Variants in MND1 observed in about 807,000 individuals in gnomAD.
The protein encoded by MND1 is meiotic nuclear divisions 1, also known as meiotic nuclear division protein 1 homolog.
A neutral mutation model predicts 35.1 loss-of-function variants in MND1; 28 were observed. The observed-to-expected ratio is 0.80, with a 90% confidence interval of 0.59 to 1.09. The LOEUF (loss-of-function observed/expected upper bound fraction) is 1.09. MND1 is among the 50% of genes least tolerant of loss of function. The probability of loss-of-function intolerance (pLI) is 0.00; values close to 1 mark genes in which losing one functional copy is unlikely to be tolerated. For synonymous variants in MND1, 69 were observed against 70.5 expected, an observed-to-expected ratio of 0.98 and a Z score of 0.11; for missense variants, 213 against 239.6, an observed-to-expected ratio of 0.89 and a Z score of 0.73.
intron 4 of MND1, among the ~76,000 whole-genome samples, chr4:153,382,647 T>G: frequency 6.6e-6 from 1 of 152,356 alleles, no homozygotes; most frequent in Non-Finnish European, 1.5e-5. Context: ...AAATAGAAAT[T>G]TAAATCTTTA....
chr4:153,373,116 G>A (rs1420558252), intron 4 of MND1, among the ~76,000 whole-genome samples: 2 of 151,262 alleles, frequency 1.3e-5, no homozygotes, highest in African/African-American at 4.9e-5. Context: ...ATATAGTTGG[G>A]ACTTGCTTTT....
At chr4:153,363,115 T>G in intron 4 of MND1, 1 of 561,716 alleles carries the variant, frequency 1.8e-6, no homozygotes, top group Non-Finnish European at 2.3e-6. Context: ...TCATGACCCT[T>G]CACACCTGTT....
chr4:153,388,379 C>T (rs1045263913), intron 4 of MND1, among the ~76,000 whole-genome samples: 2 of 152,050 alleles, frequency 1.3e-5, no homozygotes, highest in African/African-American at 4.8e-5. Context: ...CCCAGCTACT[C>T]AGGAGGCTCA....
intron 4 of MND1, chr4:153,381,690 ATATTTTTTTTTTTTTTTT>A (rs1377788898): frequency 7.7e-4 from 21 of 27,442 alleles, no homozygotes; most frequent in African/African-American, 3.0e-3. Flanking sequence ...ATATATATAT[ATATTTTTTTTTTTTTTTT>A]TTTTTTTTTT....
chr4:153,367,902 T>C (rs1355688398), intron 4 of MND1, among the ~76,000 whole-genome samples: 1 of 152,228 alleles, frequency 6.6e-6, no homozygotes. Context: ...TATCTCATTG[T>C]GGTTTTGGCT....
intron 6 of MND1, among the ~76,000 whole-genome samples, chr4:153,407,318 C>T (rs1224678589): frequency 2.0e-5 from 3 of 152,270 alleles, no homozygotes; most frequent in East Asian, 3.9e-4. Context: ...ACAAAATTAG[C>T]TGGGTGTGGT....
intron 4 of MND1, among the ~76,000 whole-genome samples, chr4:153,382,602 A>G (rs1353983828): frequency 6.6e-6 from 1 of 152,232 alleles, no homozygotes; most frequent in African/African-American, 2.4e-5. Flanking sequence ...CTCAGACTTT[A>G]TAAATTTAAT....
intron 4 of MND1, among the ~76,000 whole-genome samples, chr4:153,388,335 T>C (rs1269386218): frequency 2.0e-5 from 3 of 151,964 alleles, no homozygotes; most frequent in Admixed American, 6.6e-5. Context: ...ACAATAAAAA[T>C]TAAAAATTAG....
chr4:153,401,744 G>T (rs560130665), intron 6 of MND1, among the ~76,000 whole-genome samples: 1 of 152,304 alleles, frequency 6.6e-6, no homozygotes, highest in South Asian at 2.1e-4. Context: ...AGTCTGTCAT[G>T]ATTTATTCAG....
chr4:153,368,589 T>C (rs1773715542), intron 4 of MND1, among the ~76,000 whole-genome samples: 1 of 152,226 alleles, frequency 6.6e-6, no homozygotes, highest in Non-Finnish European at 1.5e-5. Context: ...TCCTCTTTTC[T>C]GTGATATGCA....
intron 7 of MND1, among the ~76,000 whole-genome samples, chr4:153,413,514 A>C (rs776394573): frequency 6.6e-6 from 1 of 152,022 alleles, no homozygotes; most frequent in African/African-American, 2.4e-5. Context: ...CCTCATCCCT[A>C]CAAAAAATAC....
At chr4:153,377,675 G>T (rs151029035) in intron 4 of MND1, among the ~76,000 whole-genome samples, 1 of 152,202 alleles carries the variant, frequency 6.6e-6, no homozygotes, top group Non-Finnish European at 1.5e-5. Context: ...TTAAGGAGAC[G>T]TGTAAGTTGG....
At position 153,405,993 on chromosome 4, in the gene MND1, G is replaced by A. The variant is rs188339700; in HGVS notation, c.467-2978G>A. ...TAATTTTTTACATTTTTAGTAGAGA[G>A]GGAGTTTCACCGTGTTAGCCAGGAT... On this transcript the variant is annotated intron_variant, in intron 6 of 7. Coordinates refer to ENST00000240488, the MANE Select transcript of MND1 (RefSeq NM_032117.4). Among the ~76,000 whole-genome samples, 27 of 151,826 alleles carry A rather than the reference G, an allele frequency of 1.8e-4. No individual in the cohort carries two copies. In the East Asian group the frequency reaches 5.1e-3, roughly 29 times the overall value.
At chr4:153,369,386 C>G (rs1027685415) in intron 4 of MND1, among the ~76,000 whole-genome samples, 4 of 152,134 alleles carry the variant, frequency 2.6e-5, no homozygotes, top group Non-Finnish European at 4.4e-5. Context: ...TACACATGAG[C>G]ATAAATACAG....
intron 4 of MND1, among the ~76,000 whole-genome samples, chr4:153,382,389 A>C (rs1375874264): frequency 1.3e-5 from 2 of 152,232 alleles, no homozygotes; most frequent in Admixed American, 1.3e-4. Flanking sequence ...GTTTGCCATT[A>C]GAATGTGTTC....
intron 4 of MND1, among the ~76,000 whole-genome samples, chr4:153,384,748 CTTA>C (rs942539077): frequency 6.6e-6 from 1 of 152,082 alleles, no homozygotes; most frequent in African/African-American, 2.4e-5. Flanking sequence ...TCAGCATGTA[CTTA>C]TTAAGTGGCT....
chr4:153,394,919 T>C (rs1729157969), intron 5 of MND1, among the ~76,000 whole-genome samples: 1 of 152,200 alleles, frequency 6.6e-6, no homozygotes, highest in Non-Finnish European at 1.5e-5. Flanking sequence ...TCACTTTCTA[T>C]TTTCATCATT....
intron 2 of MND1, among the ~76,000 whole-genome samples, chr4:153,353,805 C>T (rs1486461007): frequency 6.6e-6 from 1 of 151,896 alleles, no homozygotes; most frequent in East Asian, 1.9e-4. Flanking sequence ...CTGCAGCCTC[C>T]ACCTCCCAGG....
At chr4:153,363,539 A>G (rs1773551712) in intron 4 of MND1, among the ~76,000 whole-genome samples, 1 of 152,146 alleles carries the variant, frequency 6.6e-6, no homozygotes, top group Admixed American at 6.6e-5. Flanking sequence ...TCATCATTCA[A>G]AAAATGTTTT....
Sources: gnomAD v4.1 joint callset for allele counts (sites outside exome capture counted in the v4.1 genomes callset) on GRCh38, gnomAD v4.1.1 for gene constraint, MANE v1.5 for transcripts, NCBI Gene and HGNC (gene_info 2026-07-23, HGNC 2026-07-21) for gene names.